Variants in STAC observed in about 807,000 individuals in gnomAD.
STAC encodes SH3 and cysteine rich domain.
A neutral mutation model predicts 48.8 loss-of-function variants in STAC; 43 were observed. The observed-to-expected ratio is 0.88, with a 90% confidence interval of 0.69 to 1.14. The LOEUF is 1.14. STAC is among the 50% of genes most tolerant of loss of function. The pLI is 0.00. For missense variants in STAC, 497 were observed against 504.0 expected (o/e 0.99, Z 0.13); for synonymous variants, 193 against 179.5 (o/e 1.07, Z -0.60).
chr3:36,455,243 A>G (rs1373188577), intron 2 of STAC, among the ~76,000 whole-genome samples: 1 of 152,226 alleles, frequency 6.6e-6, no homozygotes, highest in Non-Finnish European at 1.5e-5. Context: ...TGTTCCATCC[A>G]GGAAGAAATA....
Position 36,547,317 on chromosome 3 carries a change from G to C in STAC, c.*1028G>C, listed in dbSNP as rs557468066. Reference sequence around the variant, plus strand: ...TCTTAGAAGAAATGTAGCCAAATTGGAGTCCATTCTTCTTTAGGGCAGTAT... The same window carrying C: ...TCTTAGAAGAAATGTAGCCAAATTGCAGTCCATTCTTCTTTAGGGCAGTAT... On this transcript the variant is annotated 3_prime_UTR_variant, in exon 11 of 11. Coordinates refer to ENST00000273183, the MANE Select transcript of STAC (RefSeq NM_003149.3). 6.5e-6 allele frequency: 1 copy of C among 152,684 alleles called. No homozygotes were observed. Among genetic ancestry groups the C allele is most frequent in the South Asian group, 2.1e-4 (1 of 4,826 alleles). The allele number at this position is 152,684 out of a possible 1,614,324, so 9.5% of individuals were successfully genotyped here.
chr3:36,540,365 C>T (rs1575273409), intron 10 of STAC, among the ~76,000 whole-genome samples: 1 of 152,060 alleles, frequency 6.6e-6, no homozygotes, highest in Middle Eastern at 3.4e-3. Flanking sequence ...AGAGTTTACA[C>T]AAAAGGGACT....
chr3:36,497,179 T>C (rs545922609), intron 6 of STAC, among the ~76,000 whole-genome samples: 1 of 152,338 alleles, frequency 6.6e-6, no homozygotes, highest in African/African-American at 2.4e-5. Flanking sequence ...CCAGTGGATA[T>C]TTCTACATTA....
chr3:36,493,448 T>C (rs1179934333), intron 6 of STAC, among the ~76,000 whole-genome samples: 1 of 151,910 alleles, frequency 6.6e-6, no homozygotes, highest in Non-Finnish European at 1.5e-5. Flanking sequence ...TTCTCATACT[T>C]TATGAGAGTA....
At position 36,424,092 on chromosome 3, in the gene STAC, C is replaced by A. The variant is rs74647005; in HGVS notation, c.112-19272C>A. On this transcript the variant is annotated intron_variant, in intron 1 of 10. Transcript: ENST00000273183. ...TCCTTGTCCCCAGCAAAATGGATGA[C>A]AGGCAGCATGTAGCTGATAAGTATT... Among the ~76,000 whole-genome samples the A allele has an allele frequency of 7.8e-4, 119 of 152,280 alleles. No individual in the cohort carries two copies. In the East Asian group the frequency reaches 0.018, roughly 24 times the overall value.
At chr3:36,389,830 T>C (rs958187833) in intron 1 of STAC, among the ~76,000 whole-genome samples, 1 of 152,186 alleles carries the variant, frequency 6.6e-6, no homozygotes, top group African/African-American at 2.4e-5. Flanking sequence ...CATAATAATG[T>C]CCTCTGCAGC....
At chr3:36,437,181 C>G (rs1452274986) in intron 1 of STAC, among the ~76,000 whole-genome samples, 2 of 150,968 alleles carry the variant, frequency 1.3e-5, no homozygotes, top group African/African-American at 4.9e-5. Context: ...GTTGGTGGGA[C>G]TGTAAACTAG....
At chr3:36,397,334 T>G (rs1181787202) in intron 1 of STAC, among the ~76,000 whole-genome samples, 1 of 152,206 alleles carries the variant, frequency 6.6e-6, no homozygotes, top group Non-Finnish European at 1.5e-5. Context: ...GTTGATCAGT[T>G]TACTGGTCAT....
chr3:36,462,636 C>A (rs1697050195), intron 2 of STAC, among the ~76,000 whole-genome samples: 1 of 152,012 alleles, frequency 6.6e-6, no homozygotes, highest in South Asian at 2.1e-4. Flanking sequence ...GTGTTGTCTT[C>A]AAAGCCAAAA....
chr3:36,387,639 C>T (rs571495542), intron 1 of STAC, among the ~76,000 whole-genome samples: 1 of 152,156 alleles, frequency 6.6e-6, no homozygotes, highest in Admixed American at 6.5e-5. Context: ...CTTCACAGCT[C>T]ATCTATGTTG....
At position 36,414,466 on chromosome 3, in the gene STAC, T is replaced by C. The variant is rs374685300; in HGVS notation, c.112-28898T>C. Among the ~76,000 whole-genome samples, 5 of 152,370 alleles carry C rather than the reference T, an allele frequency of 3.3e-5. No individual in the cohort carries two copies. The East Asian group carries it at 9.6e-4, about 29-fold the overall frequency. ...ATACCCTTTCTTCCAGTTGATCGAATGGGCTACTGAAGCTTGTGCATGCAT... is the reference window on the plus strand; with the variant it reads ...ATACCCTTTCTTCCAGTTGATCGAACGGGCTACTGAAGCTTGTGCATGCAT... On this transcript the variant is annotated intron_variant, in intron 1 of 10. Coordinates refer to ENST00000273183, the MANE Select transcript of STAC (RefSeq NM_003149.3).
chr3:36,531,418 A>G (rs1378616810), intron 10 of STAC, among the ~76,000 whole-genome samples: 1 of 152,174 alleles, frequency 6.6e-6, no homozygotes, highest in African/African-American at 2.4e-5. Flanking sequence ...GTGTTATGAT[A>G]ATATTATGGA....
intron 6 of STAC, among the ~76,000 whole-genome samples, chr3:36,503,364 C>T (rs189540466): frequency 6.6e-6 from 1 of 152,182 alleles, no homozygotes; most frequent in Admixed American, 6.6e-5. Flanking sequence ...CATCAGGAAC[C>T]TCCCACAGCT....
At chr3:36,402,514 T>C (rs1437200008) in intron 1 of STAC, among the ~76,000 whole-genome samples, 1 of 152,126 alleles carries the variant, frequency 6.6e-6, no homozygotes, top group African/African-American at 2.4e-5. Flanking sequence ...AGCACTTAGT[T>C]AACTTGCTCA....
chr3:36,450,360 A>G (rs1323458548), intron 2 of STAC, among the ~76,000 whole-genome samples: 2 of 152,372 alleles, frequency 1.3e-5, no homozygotes, highest in East Asian at 1.9e-4. Context: ...ACTCCCAAGT[A>G]TATCAAGGCT....
intron 2 of STAC, among the ~76,000 whole-genome samples, chr3:36,469,885 C>A (rs531127656): frequency 2.2e-4 from 33 of 152,126 alleles, no homozygotes; most frequent in African/African-American, 7.2e-4. Context: ...GTGCATTTTG[C>A]ATTTTTTTAA....
chr3:36,434,583 G>T (rs956371178), intron 1 of STAC, among the ~76,000 whole-genome samples: 4 of 152,134 alleles, frequency 2.6e-5, no homozygotes, highest in African/African-American at 9.7e-5. Context: ...AAATGTCAAC[G>T]GGCAGGAAAC....
intron 2 of STAC, among the ~76,000 whole-genome samples, chr3:36,454,169 A>T (rs1441824514): frequency 6.6e-6 from 1 of 152,148 alleles, no homozygotes; most frequent in Non-Finnish European, 1.5e-5. Flanking sequence ...ACGCTGTGGA[A>T]GCTTTGTTCT....
At chr3:36,452,678 T>C (rs1696716062) in intron 2 of STAC, among the ~76,000 whole-genome samples, 1 of 152,176 alleles carries the variant, frequency 6.6e-6, no homozygotes, top group African/African-American at 2.4e-5. Context: ...ACTCAAATAA[T>C]CATTTATCCA....
Sources: allele counts gnomAD v4.1 joint callset (sites outside exome capture counted in the v4.1 genomes callset), GRCh38; gene constraint gnomAD v4.1.1; transcripts MANE v1.5; gene names NCBI Gene and HGNC (gene_info 2026-07-23, HGNC 2026-07-21).